Variants in ITPK1 observed in about 807,000 individuals in gnomAD.
ITPK1 encodes the protein inositol-tetrakisphosphate 1-kinase.
ITPK1 carries 21 observed loss-of-function variants against 45.3 expected under a neutral mutation model. The ratio of observed to expected loss-of-function variants is 0.46; its 90% CI spans 0.33 to 0.67. ITPK1 has a LOEUF of 0.67. ITPK1 is among the 30% of genes least tolerant of loss of function. The pLI, the probability that ITPK1 is intolerant of heterozygous loss-of-function variation, is 0.02. For synonymous variants in ITPK1, 258 were observed against 253.6 expected, an observed-to-expected ratio of 1.02 and a Z score of -0.16; for missense variants, 474 against 573.5, an observed-to-expected ratio of 0.83 and a Z score of 1.77.
At chr14:92,947,170 A>G (rs1053886111) in intron 9 of ITPK1, among the ~76,000 whole-genome samples, 2 of 152,238 alleles carry the variant, frequency 1.3e-5, no homozygotes, top group African/African-American at 2.4e-5. Context: ...CCAGCAGGCC[A>G]GTCTTCCTTC....
At chr14:93,000,966 A>T (rs1463385219) in intron 4 of ITPK1, among the ~76,000 whole-genome samples, 3 of 126,964 alleles carry the variant, frequency 2.4e-5, no homozygotes, top group Non-Finnish European at 4.8e-5. Context: ...ATAAAGTGAG[A>T]CTCCAACTAA....
At chr14:92,969,271 A>T (rs1366668165) in intron 5 of ITPK1, among the ~76,000 whole-genome samples, 4 of 152,162 alleles carry the variant, frequency 2.6e-5, no homozygotes, top group Non-Finnish European at 5.9e-5. Context: ...CCAGAGAGAT[A>T]AATGAAATGT....
intron 3 of ITPK1, among the ~76,000 whole-genome samples, chr14:93,018,462 G>T (rs1378846642): frequency 6.6e-6 from 1 of 152,068 alleles, no homozygotes; most frequent in Non-Finnish European, 1.5e-5. Context: ...AGCAGCTCTT[G>T]TCTGCTGGTG....
chr14:92,960,987 G>A (rs1885042915), intron 7 of ITPK1, among the ~76,000 whole-genome samples: 1 of 152,268 alleles, frequency 6.6e-6, no homozygotes, highest in Non-Finnish European at 1.5e-5. Context: ...CACAGCATGT[G>A]CTGCGCTACG....
chr14:92,988,549 G>A (rs747007697), intron 5 of ITPK1, among the ~76,000 whole-genome samples: 14 of 152,184 alleles, frequency 9.2e-5, no homozygotes, highest in Non-Finnish European at 1.8e-4. Context: ...AGCACCAGGT[G>A]AGCCTAGGCA....
In ITPK1 at chr14:93,104,093, C is replaced by T. The variant is rs80266331; in HGVS notation, c.95+10976G>A. ...TGCACCCACCTTACAGTTGGGAGGG[C>T]AGAGGCTCAGGACAAGTCTCATGCT... On this transcript the variant is annotated intron_variant, in intron 2 of 10. Transcript: ENST00000267615. Among the ~76,000 whole-genome samples the T allele has an allele frequency of 9.7e-3, 1,472 of 152,280 alleles. 12 individuals are homozygous for T. Among genetic ancestry groups the T allele is most frequent in the Non-Finnish European group, 0.016 (1,097 of 68,022 alleles).
chr14:92,941,065 A>C lies in ITPK1; in HGVS notation c.*496T>G. 8.3e-7 allele frequency: 1 copy of C among 1,205,026 alleles called. No homozygotes were observed. Among genetic ancestry groups the C allele is most frequent in the South Asian group, 1.5e-5 (1 of 66,672 alleles). The allele number at this position is 1,205,026 out of a possible 1,614,324, so 74.6% of individuals were successfully genotyped here. A position where few individuals can be genotyped will look rare whatever the true frequency, so the allele number is the denominator to read the frequency against. On this transcript the variant is annotated 3_prime_UTR_variant, in exon 11 of 11. Transcript: ENST00000267615. ...GGCTAACAAAGCCTTGGTGGAGACC[A>C]GTAGGAGGAAAAACAAGGAAGGGGC...
At chr14:93,082,826 G>T (rs1362180725) in intron 2 of ITPK1, among the ~76,000 whole-genome samples, 1 of 152,226 alleles carries the variant, frequency 6.6e-6, no homozygotes, top group African/African-American at 2.4e-5. Context: ...CTTCTATGTG[G>T]CGAGAATCCA....
intron 5 of ITPK1, among the ~76,000 whole-genome samples, chr14:92,970,349 T>C (rs1420199262): frequency 6.6e-6 from 1 of 152,186 alleles, no homozygotes; most frequent in African/African-American, 2.4e-5. Flanking sequence ...CTGGGAGGCC[T>C]GGCACACGAC....
At chr14:93,100,795 T>C (rs543208760) in intron 2 of ITPK1, among the ~76,000 whole-genome samples, 1 of 152,232 alleles carries the variant, frequency 6.6e-6, no homozygotes, top group African/African-American at 2.4e-5. Flanking sequence ...GAGACCCCAA[T>C]GACTCATCAC....
rs1889098753 is a variant in ITPK1 at position 93,032,239 on chromosome 14, A to C, written c.121-15438T>G. Among the ~76,000 whole-genome samples the C allele has an allele frequency of 6.6e-6, 1 of 152,084 alleles. No homozygotes were observed. The highest frequency in any genetic ancestry group is 2.4e-5 in the African/African-American group (1 of 41,390). ...GTGGTGCATGCCTGCAATCCCAGCT[A>C]CTCGGAAGGCTGAGGCAGGAGAATC... On this transcript the variant is annotated intron_variant, in intron 3 of 10. Transcript: ENST00000267615. The surrounding 1 kb of genome is among the most constrained non-coding windows in gnomAD (Gnocchi z 4.0).
chr14:92,950,636 T>A (rs1203650159), intron 9 of ITPK1, among the ~76,000 whole-genome samples: 1 of 152,226 alleles, frequency 6.6e-6, no homozygotes, highest in Non-Finnish European at 1.5e-5. Flanking sequence ...GACTTCTGGA[T>A]GGGTCCTTCT....
rs182605733 is a variant in ITPK1 at position 92,999,361 on chromosome 14, C to T, written c.247-5364G>A. On this transcript the variant is annotated intron_variant, in intron 4 of 10. Transcript: ENST00000267615. ...GAGGTTTTGGTCAGAGACAAAGTCCCGGGCTCCGGCCCTGCCCGTCCTAAC... is the reference window on the plus strand; with the variant it reads ...GAGGTTTTGGTCAGAGACAAAGTCCTGGGCTCCGGCCCTGCCCGTCCTAAC... Among the ~76,000 whole-genome samples, 369 of 152,366 alleles carry T rather than the reference C, an allele frequency of 2.4e-3. 2 individuals are homozygous for T. The highest frequency in any genetic ancestry group is 8.4e-3 in the African/African-American group (351 of 41,592).
chr14:92,945,219 G>A (rs1036938837), intron 10 of ITPK1, among the ~76,000 whole-genome samples: 16 of 152,234 alleles, frequency 1.1e-4, no homozygotes, highest in African/African-American at 3.9e-4. Flanking sequence ...AGCAGCCCTG[G>A]GTAAACACCA....
chr14:93,070,815 CG>C (rs979643582), intron 3 of ITPK1: 94 of 153,800 alleles, frequency 6.1e-4, no homozygotes, highest in African/African-American at 2.1e-3. Context: ...TAGCAAGTGT[CG>C]GGGAAACTGC....
In ITPK1 at chr14:92,938,987, C is replaced by G; in HGVS notation, c.*2574G>C. The G allele has an allele frequency of 5.5e-6, 1 of 181,174 alleles. No individual in the cohort carries two copies. 11.2% of individuals were successfully genotyped at this position (181,174 alleles called of 1,614,324 possible). A position where few individuals can be genotyped will look rare whatever the true frequency, so the allele number is the denominator to read the frequency against. Reference sequence around the variant, plus strand: ...GCCCTTCAGCACATCCAGGGACCACCATCAAGACAGGCACTGCAGGGCGCA... The same window carrying G: ...GCCCTTCAGCACATCCAGGGACCACGATCAAGACAGGCACTGCAGGGCGCA... On this transcript the variant is annotated 3_prime_UTR_variant, in exon 11 of 11. Transcript: ENST00000267615.
intron 3 of ITPK1, among the ~76,000 whole-genome samples, chr14:93,061,061 G>C (rs549373988): frequency 1.3e-5 from 2 of 152,250 alleles, no homozygotes; most frequent in Admixed American, 1.3e-4. Context: ...TACCACTAGG[G>C]AATCACTGGA....
At position 92,941,530 on chromosome 14, in the gene ITPK1, T is replaced by C. The variant is rs1413854087; in HGVS notation, c.*31A>G. 4.6e-6 allele frequency: 7 copies of C among 1,506,662 alleles called. No individual in the cohort carries two copies. The highest frequency in any genetic ancestry group is 3.5e-6 in the Non-Finnish European group (4 of 1,135,592). The allele number at this position is 1,506,662 out of a possible 1,614,324, so 93.3% of individuals were successfully genotyped here. A position where few individuals can be genotyped will look rare whatever the true frequency, so the allele number is the denominator to read the frequency against. ...GGCCCAGCGGGTGTGCTCTGCGCCC[T>C]GCGCTGCCCCTCTGGGTCCCGGCTC... On this transcript the variant is annotated 3_prime_UTR_variant, in exon 11 of 11. Coordinates refer to ENST00000267615, the MANE Select transcript of ITPK1 (RefSeq NM_014216.6).
chr14:92,953,181 C>T (rs1349351264), intron 8 of ITPK1, among the ~76,000 whole-genome samples: 3 of 152,258 alleles, frequency 2.0e-5, no homozygotes, highest in South Asian at 4.1e-4. Flanking sequence ...TTCACAGCGC[C>T]GCAACAATTA....
Sources: gnomAD v4.1 joint callset for allele counts (sites outside exome capture counted in the v4.1 genomes callset) on GRCh38, gnomAD v4.1.1 for gene constraint, Gnocchi (gnomAD v3.1) non-coding constraint, MANE v1.5 for transcripts, NCBI Gene and HGNC (gene_info 2026-07-23, HGNC 2026-07-21) for gene names.